COQ9: variants seen among roughly 807,000 people sequenced by gnomAD.
The protein encoded by COQ9 is coenzyme Q9, also known as ubiquinone biosynthesis protein COQ9, mitochondrial.
COQ9 carries 35 observed loss-of-function variants against 42.4 expected under a neutral mutation model. The observed-to-expected ratio is 0.83, with a 90% CI of 0.63 to 1.10. The LOEUF (loss-of-function observed/expected upper bound fraction) is 1.10. COQ9 is among the 50% of genes least tolerant of loss of function. The probability of loss-of-function intolerance (pLI) is 0.00; values close to 1 mark genes in which losing one functional copy is unlikely to be tolerated. For synonymous variants in COQ9, 155 were observed against 155.1 expected (o/e 1.00, Z 0.00); for missense variants, 406 against 414.6 (o/e 0.98, Z 0.18).
intron 3 of COQ9, among the ~76,000 whole-genome samples, chr16:57,455,707 G>A (rs149804879): frequency 3.3e-3 from 497 of 152,172 alleles, no homozygotes; most frequent in Middle Eastern, 0.02. Context: ...GAGGCGTTTG[G>A]CTGCGAGGGG....
chr16:57,448,279 G>A (rs1445497090), intron 1 of COQ9, among the ~76,000 whole-genome samples: 2 of 151,332 alleles, frequency 1.3e-5, no homozygotes, highest in African/African-American at 2.4e-5. Context: ...TATTTGTGCC[G>A]TATCTTTCAG....
rs1246685596 is a variant in COQ9 at position 57,451,161 on chromosome 16, A to G, written c.195A>G (p.Thr65=). 6.2e-7 allele frequency: 1 copy of G among 1,614,090 alleles called. No individual in the cohort carries two copies. The highest frequency in any genetic ancestry group is 1.3e-5 in the African/African-American group (1 of 74,924). The part of the protein sequence containing the change: ...PNSFSQQHSE[T]QGAEKPDPES... Reference sequence around the variant, plus strand: ...CATTTTCTCAGCAGCATTCTGAGACACAGGGGGCAGAAAAACCTGATCCAG... The same window carrying G: ...CATTTTCTCAGCAGCATTCTGAGACGCAGGGGGCAGAAAAACCTGATCCAG... The change falls in exon 2 of 9, where the codon ACA becomes ACG. Residue 65 remains threonine (T), a synonymous_variant. Coordinates refer to ENST00000262507, the MANE Select transcript of COQ9 (RefSeq NM_020312.4).
rs767304029 is a variant in COQ9, at chr16:57,459,581, G to A, written c.728G>A (p.Arg243His). ...DQSTDFNWYT[R>H]RAMLAAIYNT... ...TCTTTACAGTTTAACTGGTACACCC[G>A]CCGAGCCATGCTGGCTGCCATCTAC... is the stretch of plus-strand genomic sequence containing the variant. Residue 243 changes from arginine (R) to histidine (H), a missense_variant, in exon 7 of 9, where the codon CGC becomes CAC. Arg to His is a conservative substitution (Grantham distance 29). Transcript: ENST00000262507. The A allele has an allele frequency of 1.5e-5, 25 of 1,613,962 alleles. No individual in the cohort carries two copies. Among genetic ancestry groups the A allele is most frequent in the Middle Eastern group, 1.6e-4 (1 of 6,084 alleles).
chr16:57,456,287 G>T, intron 3 of COQ9: 1 of 579,350 alleles, frequency 1.7e-6, no homozygotes, highest in Non-Finnish European at 3.1e-6. Context: ...TAGTCTCTGT[G>T]AACTTGTTAT....
intron 5 of COQ9, 139 bp from the exon 6 acceptor site, chr16:57,458,107 C>A: frequency 2.8e-6 from 2 of 707,392 alleles, no homozygotes; most frequent in East Asian, 5.5e-5. Flanking sequence ...CCACAACTCA[C>A]GCCAGTGGGT....
At chr16:57,451,707 A>G (rs1362454026) in intron 2 of COQ9, among the ~76,000 whole-genome samples, 1 of 152,268 alleles carries the variant, frequency 6.6e-6, no homozygotes, top group Non-Finnish European at 1.5e-5. Flanking sequence ...ATGCTGTTCT[A>G]GAACCTGTTT....
intron 2 of COQ9, among the ~76,000 whole-genome samples, chr16:57,452,114 G>T (rs551305949): frequency 7.2e-5 from 11 of 152,192 alleles, no homozygotes; most frequent in African/African-American, 2.2e-4. Context: ...ATTTTTTGAG[G>T]CCCTACTATC....
Position 57,452,799 on chromosome 16 carries a change from A to G in COQ9, c.243-2A>G. 6.2e-7 allele frequency: 1 copy of G among 1,612,980 alleles called. No individual in the cohort carries two copies. Among genetic ancestry groups the G allele is most frequent in the Non-Finnish European group, 8.5e-7 (1 of 1,180,012 alleles). On this transcript the variant is annotated splice_acceptor_variant, in intron 2 of 8. Coordinates refer to ENST00000262507, the MANE Select transcript of COQ9 (RefSeq NM_020312.4). LOFTEE classifies it high-confidence loss of function. ...ATGCTGGGCTGTGTCCTCTTGTCTCAGGTATACAGACCAGGGCGGCGAGGA... is the reference window on the plus strand; with the variant it reads ...ATGCTGGGCTGTGTCCTCTTGTCTCGGGTATACAGACCAGGGCGGCGAGGA...
Position 57,460,161 on chromosome 16 carries a change from A to G in COQ9, c.921+57A>G, listed in dbSNP as rs1238536409. On this transcript the variant is annotated intron_variant, in intron 8 of 8. Transcript: ENST00000262507. ...CTCTCTCCCATTCCGGCTCTGTGAT[A>G]CATGTGTTACTGACTTCACATCATT... 3 of 1,526,010 alleles carry G rather than the reference A, an allele frequency of 2.0e-6. No homozygotes were observed. In the Admixed American group the frequency reaches 5.1e-5, roughly 26 times the overall value. 94.5% of individuals were successfully genotyped at this position (1,526,010 alleles called of 1,614,324 possible).
At chr16:57,449,366 T>TTA (rs1303315013) in intron 1 of COQ9, among the ~76,000 whole-genome samples, 1 of 152,184 alleles carries the variant, frequency 6.6e-6, no homozygotes, top group African/African-American at 2.4e-5. Flanking sequence ...GTTCAAGTCT[T>TTA]TATAGGCCAA....
chr16:57,453,465 T>C (rs1189936268), intron 3 of COQ9: 1 of 202,014 alleles, frequency 5.0e-6, no homozygotes, highest in East Asian at 1.2e-4. Context: ...ACTGCTGCTT[T>C]AGATTAGGCA....
chr16:57,452,350 C>T (rs2030307463), intron 2 of COQ9, among the ~76,000 whole-genome samples: 1 of 152,206 alleles, frequency 6.6e-6, no homozygotes, highest in African/African-American at 2.4e-5. Flanking sequence ...GGCATTAAAA[C>T]GTTGATACTG....
chr16:57,461,089 C>T lies in COQ9; in HGVS notation c.*465C>T. ...ACAGAGGTGTTCCTTGCAGCCCCCTCCCTCTCAGGTGTCCTGAGATGCTGT... is the reference window on the plus strand; with the variant it reads ...ACAGAGGTGTTCCTTGCAGCCCCCTTCCTCTCAGGTGTCCTGAGATGCTGT... On this transcript the variant is annotated 3_prime_UTR_variant, in exon 9 of 9. Coordinates refer to ENST00000262507, the MANE Select transcript of COQ9 (RefSeq NM_020312.4). 3 of 450,240 alleles carry T rather than the reference C, an allele frequency of 6.7e-6. No homozygotes were observed. The highest frequency in any genetic ancestry group is 1.3e-5 in the Non-Finnish European group (3 of 224,730). The allele number at this position is 450,240 out of a possible 1,614,324, so 27.9% of individuals were successfully genotyped here.
intron 3 of COQ9, chr16:57,453,779 A>G (rs2030341808): frequency 6.6e-6 from 1 of 152,282 alleles, no homozygotes; most frequent in African/African-American, 2.4e-5. Context: ...AAGAATGTAG[A>G]AAACACCTAT....
intron 3 of COQ9, chr16:57,453,425 A>C: frequency 1.2e-5 from 3 of 252,212 alleles, no homozygotes; most frequent in Non-Finnish European, 2.4e-5. Flanking sequence ...TTTCCCAGAA[A>C]CTCTAATAGC....
At chr16:57,450,745 A>G in intron 1 of COQ9, 2 of 465,718 alleles carry the variant, frequency 4.3e-6, no homozygotes, top group Non-Finnish European at 3.9e-6. Context: ...CTAAATTTGC[A>G]GATTTAAAAA....
At position 57,460,507 on chromosome 16, in the gene COQ9, A is replaced by G. The variant is rs553313391; in HGVS notation, c.922-82A>G. The G allele has an allele frequency of 4.3e-5, 60 of 1,388,126 alleles. No homozygotes were observed. The Admixed American group carries it at 8.4e-4, about 19-fold the overall frequency. The allele number at this position is 1,388,126 out of a possible 1,614,324, so 86.0% of individuals were successfully genotyped here. A position where few individuals can be genotyped will look rare whatever the true frequency, so the allele number is the denominator to read the frequency against. On this transcript the variant is annotated intron_variant, in intron 8 of 8. Transcript: ENST00000262507. ...GCAAAAAAGAAAAAAAAAAAGAGAA[A>G]AAGAAAAGCTAGGTCTTTTCTATTA...
At chr16:57,459,338 C>G (rs1293246128) in intron 6 of COQ9, among the ~76,000 whole-genome samples, 4 of 152,132 alleles carry the variant, frequency 2.6e-5, no homozygotes, top group African/African-American at 9.7e-5. Flanking sequence ...TTATTTAGAT[C>G]CATTGACTCT....
chr16:57,459,936 C>T (rs1038071227), intron 7 of COQ9, 115 bp from the exon 8 acceptor site: 17 of 1,056,258 alleles, frequency 1.6e-5, no homozygotes, highest in East Asian at 1.2e-4. Context: ...CTTCCAGTAA[C>T]GTGGCCCCCT....
Sources: gnomAD v4.1 joint callset for allele counts (sites outside exome capture counted in the v4.1 genomes callset) on GRCh38, gnomAD v4.1.1 for gene constraint, MANE v1.5 for transcripts, NCBI Gene and HGNC (gene_info 2026-07-23, HGNC 2026-07-21) for gene names.